VIPAS39: variants seen among roughly 807,000 people sequenced by gnomAD.
The protein encoded by VIPAS39 is VPS33B interacting protein, apical-basolateral polarity regulator, spe-39 homolog.
VIPAS39 carries 63 observed loss-of-function variants against 84.7 expected under a neutral mutation model. That is an observed-to-expected ratio of 0.74 (90% confidence interval 0.61 to 0.92). The LOEUF (loss-of-function observed/expected upper bound fraction) is 0.92. Ranked by LOEUF, VIPAS39 falls within the 40% of genes least tolerant of loss-of-function variation. VIPAS39 has a pLI of 0.00. For synonymous variants in VIPAS39, 192 were observed against 216.5 expected (o/e 0.89, Z 0.99); for missense variants, 499 against 604.5 (o/e 0.83, Z 1.83).
intron 2 of VIPAS39, 100 bp from the exon 3 acceptor site, chr14:77,453,501 C>A: frequency 1.8e-6 from 2 of 1,091,664 alleles, no homozygotes; most frequent in Non-Finnish European, 2.8e-6. Context: ...TGAAGGTGGC[C>A]AACACTCGCC....
chr14:77,457,508 A>G lies in VIPAS39; in HGVS notation c.-14T>C. ...GGACACCCTCACCTCTTCCGCACAG[A>G]GCCCTCCCTCTCAGGACAGCGCCAG... On this transcript the variant is annotated 5_prime_UTR_variant, in exon 1 of 20. Transcript: ENST00000557658. The G allele has an allele frequency of 9.7e-7, 1 of 1,025,872 alleles. No homozygotes were observed. The highest frequency in any genetic ancestry group is 1.4e-6 in the Non-Finnish European group (1 of 700,386). 63.5% of individuals were successfully genotyped at this position (1,025,872 alleles called of 1,614,324 possible).
At chr14:77,428,325 G>A (rs762011296) in intron 19 of VIPAS39, 45 bp downstream of exon 19, 1 of 1,557,330 alleles carries the variant, frequency 6.4e-7, no homozygotes, top group Non-Finnish European at 8.8e-7. Context: ...TTTGTGAACT[G>A]TCTGTCTCCT....
intron 7 of VIPAS39, among the ~76,000 whole-genome samples, chr14:77,444,916 A>G (rs2078763403): frequency 1.3e-5 from 2 of 150,598 alleles, no homozygotes; most frequent in South Asian, 2.1e-4. Context: ...CCTTATTCAT[A>G]ATTTGCATAC....
intron 16 of VIPAS39, among the ~76,000 whole-genome samples, chr14:77,430,782 T>C (rs1383372649): frequency 6.6e-6 from 1 of 150,834 alleles, no homozygotes; most frequent in Non-Finnish European, 1.5e-5. Flanking sequence ...GATTTCAAAT[T>C]ATATTACAAA....
At chr14:77,449,144 GC>G in intron 6 of VIPAS39, 148 bp downstream of exon 6, 2 of 837,456 alleles carry the variant, frequency 2.4e-6, no homozygotes, top group Non-Finnish European at 4.0e-6. Flanking sequence ...CCCCAGGTAA[GC>G]CCTCATGTTT....
intron 1 of VIPAS39, 140 bp from the exon 2 acceptor site, chr14:77,454,242 T>G (rs891468261): frequency 1.6e-5 from 12 of 771,310 alleles, no homozygotes; most frequent in East Asian, 8.1e-5. Context: ...ATATTGAACC[T>G]GCCATATAAA....
At chr14:77,429,158 G>C (rs2073568986) in intron 17 of VIPAS39, 63 bp from the exon 18 acceptor site, 1 of 1,495,946 alleles carries the variant, frequency 6.7e-7, no homozygotes, top group African/African-American at 1.4e-5. Context: ...GCTCTACAAG[G>C]TAGAAAAGAA....
chr14:77,429,659 A>G lies in VIPAS39; in HGVS notation c.1266+22T>C, dbSNP rs202238562. ...AGGTCTCCAAGAATATCCTGTACCC[A>G]ACTCTCTTCAGGACCCATTACCTGC... On this transcript the variant is annotated intron_variant, in intron 17 of 19. Transcript: ENST00000557658. The G allele has an allele frequency of 2.0e-5, 32 of 1,612,750 alleles. No individual in the cohort carries two copies. In the East Asian group the frequency reaches 6.7e-4, roughly 34 times the overall value.
At chr14:77,453,180 T>G in intron 3 of VIPAS39, 119 bp downstream of exon 3, 1 of 1,077,972 alleles carries the variant, frequency 9.3e-7, no homozygotes, top group Non-Finnish European at 1.4e-6. Context: ...TATGCTTATC[T>G]GAAAATAGTC....
Position 77,426,809 on chromosome 14 carries a change from T to G in VIPAS39, c.*807A>C, listed in dbSNP as rs993120238. 3 of 152,138 alleles carry G rather than the reference T, an allele frequency of 2.0e-5. No homozygotes were observed. Among genetic ancestry groups the G allele is most frequent in the African/African-American group, 7.2e-5 (3 of 41,418 alleles). The allele number at this position is 152,138 out of a possible 1,614,324, so 9.4% of individuals were successfully genotyped here. A position where few individuals can be genotyped will look rare whatever the true frequency, so the allele number is the denominator to read the frequency against. On this transcript the variant is annotated 3_prime_UTR_variant, in exon 20 of 20. Transcript: ENST00000557658. ...TGAAAATAAAACCTCCATCTAAATA[T>G]CCTAACAGAAATGCTGCTGAATTTA...
rs1269620728 is a variant in VIPAS39, at chr14:77,429,696, G to C, written c.1251C>G (p.Asn417Lys). 1.2e-5 allele frequency: 20 copies of C among 1,614,064 alleles called. No individual in the cohort carries two copies. Among genetic ancestry groups the C allele is most frequent in the African/African-American group, 2.7e-5 (2 of 74,932 alleles). Reference protein sequence around the residue: ...FHRVVEILHKNNAPVQILQEY... With the variant: ...FHRVVEILHKKNAPVQILQEY... ...GACCCATTACCTGCACAGGGGCATT[G>C]TTCTTGTGCAAAATTTCGACAACCC... The change falls in exon 17 of 20, where the codon AAC becomes AAG. Residue 417 changes from asparagine to lysine, a missense_variant. Coordinates refer to ENST00000557658, the MANE Select transcript of VIPAS39 (RefSeq NM_001193315.2).
Position 77,457,548 on chromosome 14 carries a change from G to A in VIPAS39, c.-54C>T, listed in dbSNP as rs1184063567. The A allele has an allele frequency of 4.5e-6, 3 of 669,926 alleles. No individual in the cohort carries two copies. Among genetic ancestry groups the A allele is most frequent in the East Asian group, 2.7e-5 (1 of 36,516 alleles). 41.5% of individuals were successfully genotyped at this position (669,926 alleles called of 1,614,324 possible). ...GACAGCGCCAGCCTCCGCCGCCGCT[G>A]GACCAGCCCTTCTATTCAGGCTGTG... is the stretch of plus-strand genomic sequence containing the variant. On this transcript the variant is annotated 5_prime_UTR_variant, in exon 1 of 20. Coordinates refer to ENST00000557658, the MANE Select transcript of VIPAS39 (RefSeq NM_001193315.2).
At position 77,437,835 on chromosome 14, in the gene VIPAS39, C is replaced by T. The variant is rs1346409175; in HGVS notation, c.809G>A (p.Arg270Gln). 1.8e-5 allele frequency: 29 copies of T among 1,613,928 alleles called. No homozygotes were observed. The highest frequency in any genetic ancestry group is 2.4e-5 in the Non-Finnish European group (28 of 1,180,010). The stretch of plus-strand genomic sequence containing the variant: ...AACACAGGTTTTAAGAAATTCTTTT[C>T]GTTTGTCAGGGTCCTGAATGTTCAA... ...EHLNIQDPDK[R>Q]KEFLKTCVGL... Residue 270 changes from arginine (R) to glutamine (Q), a missense_variant, in exon 12 of 20, where the codon CGA becomes CAA. By Grantham distance (43) the Arg-to-Gln change is conservative. Transcript: ENST00000557658.
At chr14:77,432,233 T>C (rs1449176017) in intron 16 of VIPAS39, among the ~76,000 whole-genome samples, 1 of 152,112 alleles carries the variant, frequency 6.6e-6, no homozygotes, top group Non-Finnish European at 1.5e-5. Flanking sequence ...ATACAATATA[T>C]AATAACATTT....
At chr14:77,456,503 C>T (rs1043953085) in intron 1 of VIPAS39, among the ~76,000 whole-genome samples, 1 of 152,200 alleles carries the variant, frequency 6.6e-6, no homozygotes, top group African/African-American at 2.4e-5. Context: ...TGGGAGATTC[C>T]ATTTCCATGT....
At chr14:77,434,804 CAGG>C (rs1333232577) in intron 14 of VIPAS39, among the ~76,000 whole-genome samples, 8 of 151,454 alleles carry the variant, frequency 5.3e-5, no homozygotes, top group Non-Finnish European at 4.4e-5. Context: ...GAGGCTGAGG[CAGG>C]AGAATTGCTT....
intron 1 of VIPAS39, chr14:77,457,064 C>T (rs2078971257): frequency 1.4e-6 from 2 of 1,381,120 alleles, no homozygotes; most frequent in Non-Finnish European, 1.9e-6. Context: ...CAACATGCTC[C>T]CTGCCTCAGA....
intron 1 of VIPAS39, among the ~76,000 whole-genome samples, chr14:77,456,077 T>C (rs2078955832): frequency 6.6e-6 from 1 of 152,228 alleles, no homozygotes; most frequent in South Asian, 2.1e-4. Flanking sequence ...GGAACATCTA[T>C]AAAAGTGTCT....
intron 1 of VIPAS39, 190 bp downstream of exon 1, chr14:77,457,305 C>T: frequency 1.3e-6 from 2 of 1,535,654 alleles, no homozygotes; most frequent in Non-Finnish European, 1.7e-6. Context: ...CCGAACCAAT[C>T]GCTGGTGCTC....
Sources: gnomAD v4.1 joint callset for allele counts (sites outside exome capture counted in the v4.1 genomes callset) on GRCh38, gnomAD v4.1.1 for gene constraint, MANE v1.5 for transcripts, NCBI Gene and HGNC (gene_info 2026-07-23, HGNC 2026-07-21) for gene names.